Variants in ADAMTSL1 observed in about 807,000 individuals in gnomAD.
The protein encoded by ADAMTSL1 is ADAMTS-like protein 1.
Under a neutral mutation model 201.8 loss-of-function variants are expected in ADAMTSL1, and 126 were observed. That is an observed-to-expected ratio of 0.62 (90% confidence interval 0.54 to 0.72). ADAMTSL1 has a LOEUF of 0.72. Ranked by LOEUF, ADAMTSL1 falls within the 30% of genes least tolerant of loss-of-function variation. The pLI is 0.00. For missense variants in ADAMTSL1, 2,679 were observed against 2,277.8 expected, an observed-to-expected ratio of 1.18 and a Z score of -3.59; for synonymous variants, 1,121 against 903.4, an observed-to-expected ratio of 1.24 and a Z score of -4.32.
chr9:18,712,373 A>C lies in ADAMTSL1; in HGVS notation c.1876+5325A>C, dbSNP rs548232361. ...GAAAAAAGATTTAGAAGAATGTATA[A>C]CTAGAATAACCAATACAGAGAAGTG... is the stretch of plus-strand genomic sequence containing the variant. On this transcript the variant is annotated intron_variant, in intron 14 of 28. Transcript: ENST00000380548. Among the ~76,000 whole-genome samples, 6 of 152,106 alleles carry C rather than the reference A, an allele frequency of 3.9e-5. No homozygotes were observed. The East Asian group carries it at 1.2e-3, about 29-fold the overall frequency.
At chr9:18,645,192 A>G (rs1203814294) in intron 7 of ADAMTSL1, among the ~76,000 whole-genome samples, 1 of 152,176 alleles carries the variant, frequency 6.6e-6, no homozygotes, top group African/African-American at 2.4e-5. Context: ...TCTTCTTTTG[A>G]GAAGTGTCTG....
intron 23 of ADAMTSL1, among the ~76,000 whole-genome samples, chr9:18,850,570 A>G (rs989640783): frequency 6.6e-6 from 1 of 152,224 alleles, no homozygotes; most frequent in African/African-American, 2.4e-5. Flanking sequence ...GACAGAGGAC[A>G]GGGCACCTCA....
intron 1 of ADAMTSL1, among the ~76,000 whole-genome samples, chr9:18,009,180 A>G (rs1416720205): frequency 6.6e-6 from 1 of 151,860 alleles, no homozygotes; most frequent in African/African-American, 2.4e-5. Flanking sequence ...CTCCTCCCCA[A>G]TGTTGCATTA....
In ADAMTSL1 at chr9:18,140,039, G is replaced by C. The variant is rs1415206633; in HGVS notation, c.88-23823G>C. Among the ~76,000 whole-genome samples the C allele has an allele frequency of 2.6e-5, 4 of 152,196 alleles. No individual in the cohort carries two copies. In the East Asian group the frequency reaches 7.7e-4, roughly 29 times the overall value. ...CATTGTAATTGAGAGAAATACCTAA[G>C]TGGCATGTATTCATTTATGTACCAA... On this transcript the variant is annotated intron_variant, in intron 1 of 29. Transcript: ENST00000680146.
intron 1 of ADAMTSL1, among the ~76,000 whole-genome samples, chr9:18,133,771 C>T (rs758736184): frequency 2.0e-5 from 3 of 151,920 alleles, no homozygotes; most frequent in Non-Finnish European, 2.9e-5. Flanking sequence ...TTTACACACA[C>T]GGAAATCATT....
At chr9:17,959,026 G>T (rs1817609663) in intron 1 of ADAMTSL1, among the ~76,000 whole-genome samples, 1 of 152,046 alleles carries the variant, frequency 6.6e-6, no homozygotes, top group African/African-American at 2.4e-5. Context: ...AAAGTTTTCT[G>T]CCTGTGGGAA....
At chr9:18,443,546 G>C (rs1820077069) in intron 2 of ADAMTSL1, among the ~76,000 whole-genome samples, 1 of 152,208 alleles carries the variant, frequency 6.6e-6, no homozygotes, top group South Asian at 2.1e-4. Flanking sequence ...AACTCATTCA[G>C]TGTTGGAAGA....
At position 18,518,861 on chromosome 9, in the gene ADAMTSL1, T is replaced by A. The variant is rs144392877; in HGVS notation, c.191+13905T>A. Among the ~76,000 whole-genome samples the A allele has an allele frequency of 6.6e-3, 997 of 152,206 alleles. 9 individuals are homozygous for A. Among genetic ancestry groups the A allele is most frequent in the African/African-American group, 0.023 (944 of 41,538 alleles). ...GTGCTGGGATTACAGGCATGCGCCA[T>A]GATACCTGGCTAATTTTTGTATTTT... On this transcript the variant is annotated intron_variant, in intron 2 of 28. Coordinates refer to ENST00000380548, the MANE Select transcript of ADAMTSL1 (RefSeq NM_001040272.6).
chr9:17,919,202 A>G (rs1384750682), intron 1 of ADAMTSL1, among the ~76,000 whole-genome samples: 1 of 151,766 alleles, frequency 6.6e-6, no homozygotes, highest in African/African-American at 2.4e-5. Context: ...AATATGTTGT[A>G]GTGGCAATAG....
At chr9:18,289,589 A>C (rs1833168638) in intron 2 of ADAMTSL1, among the ~76,000 whole-genome samples, 1 of 152,232 alleles carries the variant, frequency 6.6e-6, no homozygotes, top group Non-Finnish European at 1.5e-5. Context: ...CTCAGTAGCC[A>C]GGACTTTATC....
intron 2 of ADAMTSL1, among the ~76,000 whole-genome samples, chr9:18,277,573 T>C (rs1358283764): frequency 6.6e-6 from 1 of 152,210 alleles, no homozygotes; most frequent in Non-Finnish European, 1.5e-5. Context: ...GCCTATTTTG[T>C]CTCATGTAAG....
At chr9:18,892,987 A>T (rs915366304) in intron 26 of ADAMTSL1, among the ~76,000 whole-genome samples, 1 of 151,676 alleles carries the variant, frequency 6.6e-6, no homozygotes, top group Non-Finnish European at 1.5e-5. Context: ...GTTTTTGGCC[A>T]TAGAGTTCAC....
chr9:18,156,975 T>C (rs563153499), intron 1 of ADAMTSL1, among the ~76,000 whole-genome samples: 2 of 152,198 alleles, frequency 1.3e-5, no homozygotes, highest in African/African-American at 4.8e-5. Context: ...CCTTTCTTAT[T>C]TGGCTGTTTT....
chr9:18,667,393 T>C (rs371690349), intron 9 of ADAMTSL1, among the ~76,000 whole-genome samples: 17 of 152,198 alleles, frequency 1.1e-4, no homozygotes, highest in Admixed American at 9.2e-4. Flanking sequence ...ACCAACTTGG[T>C]GACCAACTAG....
intron 1 of ADAMTSL1, among the ~76,000 whole-genome samples, chr9:18,056,962 A>G (rs911984308): frequency 4.6e-5 from 7 of 152,144 alleles, no homozygotes; most frequent in African/African-American, 1.7e-4. Context: ...CAGACAAACC[A>G]CTACTGCACT....
At chr9:18,274,196 C>A (rs893707841) in intron 2 of ADAMTSL1, among the ~76,000 whole-genome samples, 4 of 152,212 alleles carry the variant, frequency 2.6e-5, no homozygotes, top group African/African-American at 9.6e-5. Context: ...GGGAAGAAAG[C>A]TCGAATCTTT....
At chr9:18,836,499 A>G (rs1825316287) in intron 23 of ADAMTSL1, among the ~76,000 whole-genome samples, 1 of 152,058 alleles carries the variant, frequency 6.6e-6, no homozygotes, top group Non-Finnish European at 1.5e-5. Flanking sequence ...TGGTTACTGT[A>G]GCCCTGTAGT....
intron 2 of ADAMTSL1, among the ~76,000 whole-genome samples, chr9:18,225,984 G>A (rs772030559): frequency 4.6e-5 from 7 of 152,016 alleles, no homozygotes; most frequent in Non-Finnish European, 8.8e-5. Context: ...TGGTTTCATA[G>A]TAAAATTTAT....
intron 5 of ADAMTSL1, among the ~76,000 whole-genome samples, chr9:18,628,178 C>T (rs911212928): frequency 8.7e-6 from 1 of 115,400 alleles, no homozygotes; most frequent in Non-Finnish European, 1.8e-5. Context: ...TGCCTAAGAC[C>T]AGGACACAAA....
Sources: allele counts gnomAD v4.1 joint callset (sites outside exome capture counted in the v4.1 genomes callset), GRCh38; gene constraint gnomAD v4.1.1; transcripts MANE v1.5; gene names NCBI Gene and HGNC (gene_info 2026-07-23, HGNC 2026-07-21).